Variants in CD40LG observed in about 807,000 individuals in gnomAD.
CD40LG encodes CD40 ligand.
Under a neutral mutation model 17.2 loss-of-function variants are expected in CD40LG, and 1 was observed. The observed-to-expected ratio is 0.06, with a 90% confidence interval of 0.02 to 0.28. The LOEUF is 0.28. CD40LG is among the 10% of genes least tolerant of loss of function. CD40LG has a pLI of 1.00. For missense variants in CD40LG, 133 were observed against 193.2 expected, an observed-to-expected ratio of 0.69 and a Z score of 1.85; for synonymous variants, 66 against 74.4, an observed-to-expected ratio of 0.89 and a Z score of 0.58.
At chrX:136,650,121 A>T in intron 1 of CD40LG, 145 bp from the exon 2 acceptor site, 2 of 476,946 alleles carry the variant, frequency 4.2e-6, no homozygotes, top group Non-Finnish European at 7.5e-6. Flanking sequence ...AATAGCAATC[A>T]GCCAATATAA....
chrX:136,652,483 G>T lies in CD40LG; in HGVS notation c.289-1890G>T, dbSNP rs181736274. Among the ~76,000 whole-genome samples, 471 of 111,570 alleles carry T rather than the reference G, an allele frequency of 4.2e-3. 1 individual carries two copies. The highest frequency in any genetic ancestry group is 6.9e-3 in the Non-Finnish European group (367 of 53,086). On this transcript the variant is annotated intron_variant, in intron 2 of 4. Transcript: ENST00000370629. ...CCTCAAGTTTGAATTTGGAGTCTTT[G>T]AATCAGGTCTTGATGGGGTCTTAGA... is the stretch of plus-strand genomic sequence containing the variant.
At chrX:136,657,422 C>G (rs2061066553) in intron 4 of CD40LG, among the ~76,000 whole-genome samples, 1 of 111,178 alleles carries the variant, frequency 9.0e-6, no homozygotes, top group Non-Finnish European at 1.9e-5. Flanking sequence ...TGAGCAAGAC[C>G]CTTTACCTAT....
Position 136,659,676 on chromosome X carries a change from T to C in CD40LG, c.*261T>C, listed in dbSNP as rs2076129041. 2.6e-6 allele frequency: 1 copy of C among 381,634 alleles called. No homozygotes were observed. Among genetic ancestry groups the C allele is most frequent in the Admixed American group, 4.7e-5 (1 of 21,392 alleles). 31.5% of individuals were successfully genotyped at this position (381,634 alleles called of 1,213,427 possible). ...ACTGATGCAGACATCCAGAGAGTCC[T>C]ATGAAAAGACAAGGCCATTATGCAC... On this transcript the variant is annotated 3_prime_UTR_variant, in exon 5 of 5. Transcript: ENST00000370629.
In CD40LG at chrX:136,659,148, C is replaced by A. The variant is rs766660674; in HGVS notation, c.519C>A (p.Ala173=). ...GACAAGGACTCTATTATATCTATGC[C>A]CAAGTCACCTTCTGTTCCAATCGGG... ...VKRQGLYYIY[A]QVTFCSNREA... is the part of the protein sequence containing the mutation. Residue 173 remains alanine (A), a synonymous_variant, in exon 5 of 5, where the codon GCC becomes GCA. Coordinates refer to ENST00000370629, the MANE Select transcript of CD40LG (RefSeq NM_000074.3). The A allele has an allele frequency of 2.5e-6, 3 of 1,209,263 alleles. No homozygotes were observed. Among genetic ancestry groups the A allele is most frequent in the African/African-American group, 3.5e-5 (2 of 57,046 alleles).
intron 2 of CD40LG, among the ~76,000 whole-genome samples, chrX:136,653,413 C>T (rs999108895): frequency 8.9e-6 from 1 of 112,567 alleles, no homozygotes; most frequent in Admixed American, 9.4e-5. Context: ...TGGGAAGGAG[C>T]ACAGGACTTT....
intron 3 of CD40LG, among the ~76,000 whole-genome samples, chrX:136,655,702 G>C (rs2076117213): frequency 8.9e-6 from 1 of 112,255 alleles, no homozygotes; most frequent in African/African-American, 3.2e-5. Context: ...GTTAATTACA[G>C]AGAAATCTGA....
At chrX:136,656,161 A>G (rs771237574) in intron 3 of CD40LG, among the ~76,000 whole-genome samples, 195 bp from the exon 4 acceptor site, 1 of 112,523 alleles carries the variant, frequency 8.9e-6, no homozygotes, top group African/African-American at 3.2e-5. Context: ...AGACCGATGG[A>G]AACAGCCAAT....
At position 136,650,801 on chromosome X, in the gene CD40LG, C is replaced by T. The variant is rs1001615881; in HGVS notation, c.288+404C>T. Among the ~76,000 whole-genome samples, 3 of 111,695 alleles carry T rather than the reference C, an allele frequency of 2.7e-5. No homozygotes were observed. In the East Asian group the frequency reaches 8.5e-4, roughly 32 times the overall value. ...GGAAGCAATAGCCGTCAACAGCTGC[C>T]GTGGCAGCAGGCCACAAGTGAAGGG... On this transcript the variant is annotated intron_variant, in intron 2 of 4. Transcript: ENST00000370629.
At chrX:136,657,431 A>G (rs2148553256) in intron 4 of CD40LG, among the ~76,000 whole-genome samples, 1 of 111,329 alleles carries the variant, frequency 9.0e-6, no homozygotes, top group Non-Finnish European at 1.9e-5. Flanking sequence ...CCCTTTACCT[A>G]TGCAGCAGTT....
chrX:136,658,194 C>G (rs527767358), intron 4 of CD40LG, among the ~76,000 whole-genome samples: 4 of 111,444 alleles, frequency 3.6e-5, no homozygotes, highest in African/African-American at 1.3e-4. Flanking sequence ...TTTTAAAAAG[C>G]TCAAGGAAGC....
chrX:136,659,523 C>T lies in CD40LG; in HGVS notation c.*108C>T. 1 of 802,847 alleles carries T rather than the reference C, an allele frequency of 1.2e-6. No homozygotes were observed. Among genetic ancestry groups the T allele is most frequent in the East Asian group, 3.2e-5 (1 of 30,818 alleles). 66.2% of individuals were successfully genotyped at this position (802,847 alleles called of 1,213,427 possible). A position where few individuals can be genotyped will look rare whatever the true frequency, so the allele number is the denominator to read the frequency against. Reference sequence around the variant, plus strand: ...AACTGCCTATTTATAACCCTAGGATCCTCCTTATGGAGAACTATTTATTAT... The same window carrying T: ...AACTGCCTATTTATAACCCTAGGATTCTCCTTATGGAGAACTATTTATTAT... On this transcript the variant is annotated 3_prime_UTR_variant, in exon 5 of 5. Transcript: ENST00000370629.
At chrX:136,656,293 C>G in intron 3 of CD40LG, 63 bp from the exon 4 acceptor site, 1 of 828,941 alleles carries the variant, frequency 1.2e-6, no homozygotes, top group Non-Finnish European at 1.8e-6. Flanking sequence ...TAGAACTGGA[C>G]CAGATAGTTT....
At chrX:136,652,922 A>C (rs929645936) in intron 2 of CD40LG, among the ~76,000 whole-genome samples, 1 of 110,006 alleles carries the variant, frequency 9.1e-6, no homozygotes, top group Non-Finnish European at 1.9e-5. Context: ...TTTAAAAAGT[A>C]TTTCAGTTGA....
chrX:136,654,003 C>T (rs181426079), intron 2 of CD40LG, among the ~76,000 whole-genome samples: 1 of 111,969 alleles, frequency 8.9e-6, no homozygotes, highest in Non-Finnish European at 1.9e-5. Context: ...ATTCCATATA[C>T]CAGTTCCCAG....
chrX:136,659,525 T>G lies in CD40LG; in HGVS notation c.*110T>G. 3.5e-5 allele frequency: 27 copies of G among 777,391 alleles called. No homozygotes were observed. Among genetic ancestry groups the G allele is most frequent in the Middle Eastern group, 4.5e-4 (1 of 2,222 alleles). 64.1% of individuals were successfully genotyped at this position (777,391 alleles called of 1,213,427 possible). A position where few individuals can be genotyped will look rare whatever the true frequency, so the allele number is the denominator to read the frequency against. On this transcript the variant is annotated 3_prime_UTR_variant, in exon 5 of 5. Transcript: ENST00000370629. ...CTGCCTATTTATAACCCTAGGATCCTCCTTATGGAGAACTATTTATTATAC... is the reference window on the plus strand; with the variant it reads ...CTGCCTATTTATAACCCTAGGATCCGCCTTATGGAGAACTATTTATTATAC...
intron 2 of CD40LG, among the ~76,000 whole-genome samples, chrX:136,652,654 G>A (rs1321254472): frequency 9.0e-6 from 1 of 111,228 alleles, no homozygotes; most frequent in Non-Finnish European, 1.9e-5. Flanking sequence ...TCATTTTGGG[G>A]GAAAGATGGT....
chrX:136,652,055 C>A (rs1350109582), intron 2 of CD40LG, among the ~76,000 whole-genome samples: 1 of 111,217 alleles, frequency 9.0e-6, no homozygotes, highest in East Asian at 2.8e-4. Context: ...GGCCTCCCTG[C>A]TTATGCTTGT....
intron 4 of CD40LG, among the ~76,000 whole-genome samples, chrX:136,656,731 C>T (rs377389851): frequency 7.2e-5 from 8 of 111,572 alleles, no homozygotes; most frequent in African/African-American, 2.6e-4. Context: ...CATGTAGTGA[C>T]CTCCTGACTG....
chrX:136,653,176 C>G (rs1321204388), intron 2 of CD40LG, among the ~76,000 whole-genome samples: 1 of 112,446 alleles, frequency 8.9e-6, no homozygotes, highest in East Asian at 2.8e-4. Flanking sequence ...AAACATTTTC[C>G]TGTCACCACA....
Sources: gnomAD v4.1 joint callset for allele counts (sites outside exome capture counted in the v4.1 genomes callset) on GRCh38, gnomAD v4.1.1 for gene constraint, MANE v1.5 for transcripts, NCBI Gene and HGNC (gene_info 2026-07-23, HGNC 2026-07-21) for gene names.